Variants in TRMT11 observed in about 807,000 individuals in gnomAD.
The protein encoded by TRMT11 is tRNA (guanine(10)-N(2))-methyltransferase TRMT11.
In TRMT11, 53 loss-of-function variants were observed where a neutral mutation model predicts 62.8. The ratio of observed to expected loss-of-function variants is 0.84; its 90% confidence interval spans 0.68 to 1.06. TRMT11 has a LOEUF of 1.06. Ranked by LOEUF, TRMT11 falls within the 50% of genes least tolerant of loss-of-function variation. The pLI is 0.00. For missense variants in TRMT11, 556 were observed against 553.4 expected (o/e 1.00, Z -0.05); for synonymous variants, 188 against 190.3 (o/e 0.99, Z 0.10).
At chr6:126,185,927 A>G (rs1778521997) in intron 1 of TRMT11, among the ~76,000 whole-genome samples, 1 of 152,160 alleles carries the variant, frequency 6.6e-6, no homozygotes, top group Admixed American at 6.6e-5. Flanking sequence ...AGCATGGGGA[A>G]ACTGCCCCTA....
chr6:126,218,009 A>G, the TRMT11 span, among the ~76,000 whole-genome samples: 6 of 152,036 alleles, frequency 3.9e-5, no homozygotes, highest in Non-Finnish European at 8.8e-5. Context: ...CAAGCAGAGG[A>G]GTCTTTTCCC....
intron 1 of TRMT11, among the ~76,000 whole-genome samples, chr6:126,196,653 A>G (rs1778669422): frequency 6.6e-6 from 1 of 152,070 alleles, no homozygotes; most frequent in African/African-American, 2.4e-5. Flanking sequence ...GTGTGACAGA[A>G]TATCTGTAAA....
At chr6:126,157,897 G>A (rs2128226627) in intron 21 of TRMT11, among the ~76,000 whole-genome samples, 1 of 152,078 alleles carries the variant, frequency 6.6e-6, no homozygotes, top group Non-Finnish European at 1.5e-5. Context: ...GCTCTCCCAT[G>A]AATTTGTGTA....
At chr6:126,138,811 T>C (rs1320103704) in intron 21 of TRMT11, among the ~76,000 whole-genome samples, 1 of 152,088 alleles carries the variant, frequency 6.6e-6, no homozygotes, top group Non-Finnish European at 1.5e-5. Flanking sequence ...ACAATGAAAG[T>C]ATTTCATTGA....
chr6:126,067,519 GT>G (rs1302766811), intron 17 of TRMT11, among the ~76,000 whole-genome samples: 2 of 152,166 alleles, frequency 1.3e-5, no homozygotes, highest in African/African-American at 4.8e-5. Context: ...GTTTATTCAT[GT>G]TCTTTGTTGT....
At chr6:126,132,425 C>G (rs1046238077) in intron 21 of TRMT11, among the ~76,000 whole-genome samples, 1 of 151,938 alleles carries the variant, frequency 6.6e-6, no homozygotes, top group Non-Finnish European at 1.5e-5. Flanking sequence ...TGGTGTTTCT[C>G]CTGTTGACCT....
chr6:126,008,682 A>T (rs946787790), intron 8 of TRMT11: 4 of 691,996 alleles, frequency 5.8e-6, no homozygotes, highest in East Asian at 2.7e-5. Context: ...GGTGATGAGG[A>T]TGAAGACCTT....
intron 21 of TRMT11, among the ~76,000 whole-genome samples, chr6:126,120,574 T>G (rs1004131188): frequency 6.6e-6 from 1 of 152,174 alleles, no homozygotes; most frequent in African/African-American, 2.4e-5. Context: ...CCTGTCAGAC[T>G]TTCTCTCATA....
chr6:126,269,995 A>G, the TRMT11 span, among the ~76,000 whole-genome samples: 1 of 152,192 alleles, frequency 6.6e-6, no homozygotes, highest in Non-Finnish European at 1.5e-5. Flanking sequence ...CACCTTTGAC[A>G]TTTGGAAGCA....
the TRMT11 span, among the ~76,000 whole-genome samples, chr6:126,237,541 C>T: frequency 2.6e-5 from 4 of 151,998 alleles, no homozygotes; most frequent in South Asian, 4.2e-4. Context: ...ATTAGCTGGG[C>T]GTGGTGGCAC....
intron 11 of TRMT11, among the ~76,000 whole-genome samples, chr6:126,016,292 G>T (rs1403947236): frequency 2.0e-5 from 3 of 151,956 alleles, no homozygotes; most frequent in Non-Finnish European, 2.9e-5. Context: ...TTATTCATTG[G>T]GTTGTAATTT....
At chr6:126,085,761 G>C (rs1220865037) in intron 17 of TRMT11, among the ~76,000 whole-genome samples, 1 of 152,156 alleles carries the variant, frequency 6.6e-6, no homozygotes, top group African/African-American at 2.4e-5. Context: ...TATCATGATA[G>C]ATATATGTCA....
At chr6:126,244,081 C>G in the TRMT11 span, among the ~76,000 whole-genome samples, 1 of 151,774 alleles carries the variant, frequency 6.6e-6, no homozygotes, top group African/African-American at 2.4e-5. Context: ...CTAAAATGTT[C>G]TTAGCATTGA....
intron 8 of TRMT11, 40 bp downstream of exon 8, chr6:126,008,512 G>A: frequency 6.6e-7 from 1 of 1,521,158 alleles, no homozygotes; most frequent in Non-Finnish European, 9.1e-7. Context: ...TCATTGCTGT[G>A]GTGCCAAATG....
chr6:126,239,368 G>A, the TRMT11 span, among the ~76,000 whole-genome samples: 1 of 152,028 alleles, frequency 6.6e-6, no homozygotes, highest in Non-Finnish European at 1.5e-5. Flanking sequence ...TCCATGTTTA[G>A]TGCTTCCTTC....
At chr6:126,147,934 A>C (rs1445798164) in intron 21 of TRMT11, among the ~76,000 whole-genome samples, 4 of 152,094 alleles carry the variant, frequency 2.6e-5, no homozygotes, top group Admixed American at 6.5e-5. Flanking sequence ...CATCAGGAGA[A>C]ATACCTAATG....
chr6:126,140,433 A>G (rs1777904856), intron 21 of TRMT11, among the ~76,000 whole-genome samples: 1 of 152,082 alleles, frequency 6.6e-6, no homozygotes, highest in Non-Finnish European at 1.5e-5. Context: ...TGAAAAGTTT[A>G]TATAACACAA....
At chr6:126,253,926 T>G in the TRMT11 span, among the ~76,000 whole-genome samples, 2 of 152,210 alleles carry the variant, frequency 1.3e-5, no homozygotes, top group Non-Finnish European at 2.9e-5. Context: ...CTTCATAGAC[T>G]GGTCAACTAT....
At position 126,187,368 on chromosome 6, in the gene TRMT11, TA is replaced by T. The variant is rs201843294; in HGVS notation, n.143+10041del. 5.4e-3 allele frequency among the ~76,000 whole-genome samples: 815 copies of T among 151,786 alleles called. 8 individuals are homozygous for T. The highest frequency in any genetic ancestry group is 0.018 in the African/African-American group (735 of 41,478). On this transcript the variant is annotated intron_variant and non_coding_transcript_variant, in intron 1 of 3. Coordinates refer to the TRMT11 transcript ENST00000444229. The stretch of plus-strand genomic sequence containing the variant: ...AAAAATAATACCATTTGCGATACAG[TA>T]AAAAAAATCAAATATCTGAAAACAA...
Sources: gnomAD v4.1 joint callset for allele counts (sites outside exome capture counted in the v4.1 genomes callset) on GRCh38, gnomAD v4.1.1 for gene constraint, MANE v1.5 for transcripts, NCBI Gene and HGNC (gene_info 2026-07-23, HGNC 2026-07-21) for gene names.